The following B4GALNT3 variants were observed in gnomAD, a reference collection of about 807,000 sequenced individuals.
B4GALNT3 encodes beta-1,4-N-acetylgalactosaminyltransferase 3.
B4GALNT3 carries 86 observed loss-of-function variants against 120.2 expected under a neutral mutation model. The ratio of observed to expected loss-of-function variants is 0.72; its 90% CI spans 0.60 to 0.86. B4GALNT3 has a LOEUF of 0.86. Among genes scored for constraint, B4GALNT3 ranks in the 40% least tolerant of loss-of-function variants. The pLI is 0.00. For missense variants in B4GALNT3, 1,167 were observed against 1,298.9 expected, an observed-to-expected ratio of 0.90 and a Z score of 1.56; for synonymous variants, 518 against 510.4, an observed-to-expected ratio of 1.01 and a Z score of -0.20.
At chr12:505,389 C>G (rs1946488196) in intron 1 of B4GALNT3, among the ~76,000 whole-genome samples, 1 of 152,176 alleles carries the variant, frequency 6.6e-6, no homozygotes, top group Non-Finnish European at 1.5e-5. Flanking sequence ...GCTCTTACAG[C>G]AGCCCCCTTT....
chr12:464,619 G>A (rs918509187), intron 1 of B4GALNT3, among the ~76,000 whole-genome samples: 2 of 138,192 alleles, frequency 1.4e-5, no homozygotes, highest in South Asian at 2.7e-4. Flanking sequence ...GTGACAGAGC[G>A]AGACTCTACT....
At chr12:522,001 G>A (rs1946715201) in intron 1 of B4GALNT3, among the ~76,000 whole-genome samples, 1 of 149,478 alleles carries the variant, frequency 6.7e-6, no homozygotes, top group Middle Eastern at 3.2e-3. Flanking sequence ...GGCTGGGATT[G>A]CCCCAACCTG....
At chr12:515,516 A>G (rs1438347897) in intron 1 of B4GALNT3, among the ~76,000 whole-genome samples, 3 of 152,156 alleles carry the variant, frequency 2.0e-5, no homozygotes, top group Non-Finnish European at 4.4e-5. Context: ...TTTTATGACA[A>G]TTAAAAGGGA....
intron 1 of B4GALNT3, among the ~76,000 whole-genome samples, chr12:532,143 T>C (rs1946814870): frequency 1.3e-5 from 2 of 152,302 alleles, no homozygotes; most frequent in Non-Finnish European, 2.9e-5. Flanking sequence ...CTTGCTTGTC[T>C]TCCTACTCTA....
At chr12:491,620 C>T (rs1946340401) in intron 1 of B4GALNT3, among the ~76,000 whole-genome samples, 1 of 152,050 alleles carries the variant, frequency 6.6e-6, no homozygotes. Flanking sequence ...TGAACCACCA[C>T]ACCCAGCCTG....
At chr12:522,539 T>C (rs1946720880) in intron 1 of B4GALNT3, among the ~76,000 whole-genome samples, 1 of 152,148 alleles carries the variant, frequency 6.6e-6, no homozygotes, top group African/African-American at 2.4e-5. Flanking sequence ...TCGTGTTTAA[T>C]GGGTACGGAG....
intron 1 of B4GALNT3, among the ~76,000 whole-genome samples, chr12:517,550 C>T (rs1159356198): frequency 2.6e-5 from 4 of 152,032 alleles, no homozygotes; most frequent in Admixed American, 6.6e-5. Context: ...ATGTTATTTC[C>T]GTTTTATTTT....
At chr12:496,047 A>G (rs916829008) in intron 1 of B4GALNT3, among the ~76,000 whole-genome samples, 1 of 152,100 alleles carries the variant, frequency 6.6e-6, no homozygotes, top group East Asian at 1.9e-4. Flanking sequence ...AAAAGGTTGG[A>G]ATTTGTTAGC....
intron 1 of B4GALNT3, among the ~76,000 whole-genome samples, chr12:521,539 A>G (rs1487144556): frequency 2.0e-5 from 3 of 152,182 alleles, no homozygotes; most frequent in Non-Finnish European, 4.4e-5. Context: ...GAGGCAGGCC[A>G]TGATGGTAAC....
intron 4 of B4GALNT3, 107 bp from the exon 5 acceptor site, chr12:544,775 C>G: frequency 9.1e-7 from 1 of 1,104,298 alleles, no homozygotes. Flanking sequence ...AAGCCACAGC[C>G]CTGGTCCCTC....
chr12:518,253 A>G (rs10047548), intron 1 of B4GALNT3, among the ~76,000 whole-genome samples: 115,003 of 152,082 alleles, frequency 0.76, 43,780 homozygotes, highest in East Asian at 0.86. Context: ...ACCCATCTTC[A>G]ATCATCCACT....
At chr12:541,528 C>T (rs1946915284) in intron 3 of B4GALNT3, among the ~76,000 whole-genome samples, 1 of 152,172 alleles carries the variant, frequency 6.6e-6, no homozygotes, top group Non-Finnish European at 1.5e-5. Context: ...CTCAGAGGGA[C>T]ACAAATCCTT....
In B4GALNT3 at chr12:553,242, A is replaced by G; in HGVS notation, c.1319A>G (p.Glu440Gly). The G allele has an allele frequency of 6.2e-7, 1 of 1,613,286 alleles. No individual in the cohort carries two copies. Residue 440 changes from glutamate to glycine, a missense_variant, in exon 14 of 20, where the codon GAG becomes GGG. Physicochemically the swap from Glu to Gly is moderately conservative, Grantham distance 98. This residue lies in a region of B4GALNT3 where 983 missense variants were observed against 1,102.5 expected (regional missense o/e 0.89). Transcript: ENST00000266383. ...LEESQYGEVA[E>G]ETPASNNQNA... ...GAGTCCCAGTATGGGGAAGTGGCAGAGGAGACCCCTGCCTCCAACAACCAG... is the reference window on the plus strand; with the variant it reads ...GAGTCCCAGTATGGGGAAGTGGCAGGGGAGACCCCTGCCTCCAACAACCAG...
chr12:483,323 G>A (rs1232308297), intron 1 of B4GALNT3, among the ~76,000 whole-genome samples: 1 of 152,196 alleles, frequency 6.6e-6, no homozygotes, highest in African/African-American at 2.4e-5. Context: ...AGTGGCCTGT[G>A]GAGTTAGGTA....
At chr12:558,169 G>T in intron 17 of B4GALNT3, 81 bp downstream of exon 17, 1 of 1,471,670 alleles carries the variant, frequency 6.8e-7, no homozygotes, top group African/African-American at 1.4e-5. Flanking sequence ...AAATGAGGTG[G>T]TGAGCCCCTC....
intron 1 of B4GALNT3, among the ~76,000 whole-genome samples, chr12:511,735 C>G (rs1407410034): frequency 1.7e-5 from 1 of 60,246 alleles, no homozygotes; most frequent in Non-Finnish European, 2.7e-5. Flanking sequence ...ACCTTCCTTC[C>G]ACCTTCCACC....
Position 525,153 on chromosome 12 carries a change from G to C in B4GALNT3, c.170-10013G>C, listed in dbSNP as rs190569557. On this transcript the variant is annotated intron_variant, in intron 1 of 19. Coordinates refer to ENST00000266383, the MANE Select transcript of B4GALNT3 (RefSeq NM_173593.4). The stretch of plus-strand genomic sequence containing the variant: ...AGACGGAGTCTCGCTCTGTCGCCCG[G>C]GCTGGAGTGCAGTGGTGTGATCTCG... 2.0e-3 allele frequency among the ~76,000 whole-genome samples: 301 copies of C among 151,868 alleles called. 2 individuals carry two copies. Among genetic ancestry groups the C allele is most frequent in the African/African-American group, 6.9e-3 (285 of 41,360 alleles).
chr12:488,288 A>G (rs1383542234), intron 1 of B4GALNT3, among the ~76,000 whole-genome samples: 1 of 152,236 alleles, frequency 6.6e-6, no homozygotes, highest in African/African-American at 2.4e-5. Flanking sequence ...AAGAAATGTT[A>G]AAAGTAGTTC....
chr12:554,943 C>T lies in B4GALNT3; in HGVS notation c.2060+960C>T, dbSNP rs143075496. Among the ~76,000 whole-genome samples, 1,104 of 152,014 alleles carry T rather than the reference C, an allele frequency of 7.3e-3. 12 individuals are homozygous for T. The highest frequency in any genetic ancestry group is 0.025 in the African/African-American group (1,046 of 41,442). On this transcript the variant is annotated intron_variant, in intron 14 of 19. Transcript: ENST00000266383. ...CTCTAATCCCAACACTTTGGGAGACCGGGGTAGGTGGATCACTTGAGGTCA... is the reference window on the plus strand; with the variant it reads ...CTCTAATCCCAACACTTTGGGAGACTGGGGTAGGTGGATCACTTGAGGTCA...
Sources: allele counts gnomAD v4.1 joint callset (sites outside exome capture counted in the v4.1 genomes callset), GRCh38; gene constraint gnomAD v4.1.1; regional missense constraint gnomAD v4.1.1; transcripts MANE v1.5; gene names NCBI Gene and HGNC (gene_info 2026-07-23, HGNC 2026-07-21).